Variants in CTNND2 observed in about 807,000 individuals in gnomAD.
The protein encoded by CTNND2 is catenin delta 2.
In CTNND2, 22 loss-of-function variants were observed where a neutral mutation model predicts 144.4. That is an observed-to-expected ratio of 0.15 (90% confidence interval 0.11 to 0.22). The LOEUF (loss-of-function observed/expected upper bound fraction) is 0.22, where lower values mean the gene tolerates loss of function less well. Ranked by LOEUF, CTNND2 falls within the 10% of genes least tolerant of loss-of-function variation. The pLI, the probability that CTNND2 is intolerant of heterozygous loss-of-function variation, is 1.00. For synonymous variants in CTNND2, 751 were observed against 695.6 expected, an observed-to-expected ratio of 1.08 and a Z score of -1.25; for missense variants, 1,353 against 1,618.8, an observed-to-expected ratio of 0.84 and a Z score of 2.82.
intron 3 of CTNND2, among the ~76,000 whole-genome samples, chr5:11,477,467 A>G (rs1289617741): frequency 6.6e-6 from 1 of 151,734 alleles, no homozygotes; most frequent in Non-Finnish European, 1.5e-5. Flanking sequence ...GTTGAAGTAG[A>G]GTGGCTTGAT....
chr5:11,682,141 T>A (rs1296224799), intron 2 of CTNND2, among the ~76,000 whole-genome samples: 1 of 152,212 alleles, frequency 6.6e-6, no homozygotes, highest in East Asian at 1.9e-4. Flanking sequence ...TATCTCTGGT[T>A]TCTACAAAGA....
intron 2 of CTNND2, among the ~76,000 whole-genome samples, chr5:11,567,067 T>C (rs1406732883): frequency 2.6e-5 from 4 of 152,168 alleles, no homozygotes; most frequent in African/African-American, 9.7e-5. Context: ...CATCCTCTTG[T>C]TTGCACTGTT....
chr5:11,479,503 G>A (rs754308168), intron 3 of CTNND2, among the ~76,000 whole-genome samples: 2 of 152,032 alleles, frequency 1.3e-5, no homozygotes, highest in African/African-American at 4.8e-5. Flanking sequence ...ATATTCCTTT[G>A]GTTATACACC....
At chr5:11,065,722 G>A (rs556596959) in intron 16 of CTNND2, among the ~76,000 whole-genome samples, 27 of 152,128 alleles carry the variant, frequency 1.8e-4, no homozygotes, top group African/African-American at 5.8e-4. Context: ...CCTATATATC[G>A]TGATTTACTT....
chr5:11,887,934 TTG>T (rs2127090126), intron 1 of CTNND2, among the ~76,000 whole-genome samples: 1 of 152,332 alleles, frequency 6.6e-6, no homozygotes, highest in African/African-American at 2.4e-5. Context: ...TTTCAACACA[TTG>T]TATCAAGCTA....
chr5:11,332,925 G>A (rs1211542266), intron 9 of CTNND2, among the ~76,000 whole-genome samples: 5 of 152,276 alleles, frequency 3.3e-5, no homozygotes, highest in Non-Finnish European at 7.4e-5. Flanking sequence ...CTTACCTGCC[G>A]CCACGTAGGA....
chr5:11,200,049 C>A lies in CTNND2; in HGVS notation c.1762-388G>T, dbSNP rs571204410. The stretch of plus-strand genomic sequence containing the variant: ...TAAATTTAACCATTGTCTTAAAGGG[C>A]TGCAGGAATGATACACAAAATGTTA... On this transcript the variant is annotated intron_variant, in intron 10 of 21. Coordinates refer to ENST00000304623, the MANE Select transcript of CTNND2 (RefSeq NM_001332.4). 3.3e-5 allele frequency among the ~76,000 whole-genome samples: 5 copies of A among 152,304 alleles called. No homozygotes were observed. In the South Asian group the frequency reaches 6.2e-4, roughly 19 times the overall value.
At chr5:11,854,031 GC>G (rs1427350254) in intron 1 of CTNND2, among the ~76,000 whole-genome samples, 1 of 152,144 alleles carries the variant, frequency 6.6e-6, no homozygotes, top group African/African-American at 2.4e-5. Flanking sequence ...GATAAACAAG[GC>G]CCTGGAAAAC....
At chr5:11,700,477 G>A (rs1785378670) in intron 2 of CTNND2, among the ~76,000 whole-genome samples, 2 of 152,132 alleles carry the variant, frequency 1.3e-5, no homozygotes, top group Admixed American at 1.3e-4. Context: ...ATTTGCTGTG[G>A]GATCAATGAC....
intron 2 of CTNND2, among the ~76,000 whole-genome samples, chr5:11,716,679 A>ATTTG (rs763171493): frequency 7.1e-6 from 1 of 141,284 alleles, no homozygotes; most frequent in African/African-American, 2.8e-5. Flanking sequence ...TTATTTGTTT[A>ATTTG]TTTATTTATT....
intron 3 of CTNND2, among the ~76,000 whole-genome samples, chr5:11,502,081 G>A (rs1770583598): frequency 6.7e-6 from 1 of 148,742 alleles, no homozygotes; most frequent in African/African-American, 2.5e-5. Context: ...CTCTTTGCAT[G>A]TGAGGACACA....
chr5:11,013,306 C>T (rs1009117868), intron 18 of CTNND2, among the ~76,000 whole-genome samples: 11 of 152,170 alleles, frequency 7.2e-5, no homozygotes, highest in African/African-American at 2.7e-4. Flanking sequence ...GCCTTTATTT[C>T]CTTACAGAGG....
chr5:11,326,091 T>C (rs936816120), intron 9 of CTNND2, among the ~76,000 whole-genome samples: 2 of 152,208 alleles, frequency 1.3e-5, no homozygotes, highest in African/African-American at 4.8e-5. Flanking sequence ...CTGCTGAATA[T>C]GTACACCAAG....
At chr5:11,788,765 G>A (rs887493038) in intron 1 of CTNND2, among the ~76,000 whole-genome samples, 2 of 151,882 alleles carry the variant, frequency 1.3e-5, no homozygotes, top group Non-Finnish European at 2.9e-5. Context: ...TGCCATGTTG[G>A]TGTGCTGCAC....
chr5:11,363,367 A>T (rs1338076734), intron 8 of CTNND2, among the ~76,000 whole-genome samples: 2 of 152,214 alleles, frequency 1.3e-5, no homozygotes, highest in Non-Finnish European at 2.9e-5. Flanking sequence ...TTTTTATTCA[A>T]ATTAGATATT....
rs550281802 is a variant in CTNND2 at position 11,619,669 on chromosome 5, T to C, written c.175-54613A>G. 1.4e-4 allele frequency among the ~76,000 whole-genome samples: 21 copies of C among 152,268 alleles called. No homozygotes were observed. In the South Asian group the frequency reaches 4.1e-3, roughly 30 times the overall value. On this transcript the variant is annotated intron_variant, in intron 2 of 21. Coordinates refer to ENST00000304623, the MANE Select transcript of CTNND2 (RefSeq NM_001332.4). ...CATAGAAAGAAGTTTAGATAAACAT[T>C]CCAAACAGAAGGCATATGCATTTTG...
chr5:11,054,425 A>G (rs1258456880), intron 16 of CTNND2, among the ~76,000 whole-genome samples: 1 of 152,208 alleles, frequency 6.6e-6, no homozygotes, highest in Non-Finnish European at 1.5e-5. Context: ...AATAAAAGGT[A>G]TGCAAGAGGA....
At position 11,021,303 on chromosome 5, in the gene CTNND2, C is replaced by G. The variant is rs1742224310; in HGVS notation, c.2999+1466G>C. Among the ~76,000 whole-genome samples, 3 of 152,292 alleles carry G rather than the reference C, an allele frequency of 2.0e-5. No individual in the cohort carries two copies. In the South Asian group the frequency reaches 6.2e-4, roughly 32 times the overall value. On this transcript the variant is annotated intron_variant, in intron 17 of 21. Transcript: ENST00000304623. ...AAAATACTTTAATCTTTGAATGTCT[C>G]ATGAATATAGACAAGAATATATCAG...
chr5:11,460,257 C>G (rs1766074777), intron 3 of CTNND2, among the ~76,000 whole-genome samples: 1 of 152,158 alleles, frequency 6.6e-6, no homozygotes, highest in South Asian at 2.1e-4. Context: ...AGAATTCAAA[C>G]TATCTCAGGA....
Sources: gnomAD v4.1 joint callset for allele counts (sites outside exome capture counted in the v4.1 genomes callset) on GRCh38, gnomAD v4.1.1 for gene constraint, MANE v1.5 for transcripts, NCBI Gene and HGNC (gene_info 2026-07-23, HGNC 2026-07-21) for gene names.